MAP4K3: variants seen among roughly 807,000 people sequenced by gnomAD.
MAP4K3 encodes the protein mitogen-activated protein kinase kinase kinase kinase 3.
A neutral mutation model predicts 143.5 loss-of-function variants in MAP4K3; 94 were observed. The observed-to-expected ratio is 0.65, with a 90% CI of 0.55 to 0.78. The LOEUF (loss-of-function observed/expected upper bound fraction) is 0.78. Among genes scored for constraint, MAP4K3 ranks in the 30% least tolerant of loss-of-function variants. The pLI is 0.00. For synonymous variants in MAP4K3, 416 were observed against 347.2 expected, an observed-to-expected ratio of 1.20 and a Z score of -2.20; for missense variants, 1,077 against 1,068.1, an observed-to-expected ratio of 1.01 and a Z score of -0.12.
chr2:39,408,579 T>A (rs1201109804), intron 1 of MAP4K3, among the ~76,000 whole-genome samples: 1 of 149,070 alleles, frequency 6.7e-6, no homozygotes, highest in East Asian at 2.0e-4. Flanking sequence ...ATGTTGCACA[T>A]GACTTCACAG....
intron 2 of MAP4K3, among the ~76,000 whole-genome samples, chr2:39,357,521 C>CA (rs1404932600): frequency 4.6e-5 from 7 of 152,156 alleles, no homozygotes; most frequent in Non-Finnish European, 1.5e-5. Context: ...AACCCAATAT[C>CA]AAAATCCACC....
chr2:39,320,327 A>T (rs999141321), intron 12 of MAP4K3, among the ~76,000 whole-genome samples: 2 of 152,220 alleles, frequency 1.3e-5, no homozygotes, highest in Admixed American at 1.3e-4. Flanking sequence ...GCAATGAAAT[A>T]ATGCTAAAGG....
intron 2 of MAP4K3, among the ~76,000 whole-genome samples, chr2:39,366,438 GCGTCTCTTCAGACGT>G (rs1312709681): frequency 6.6e-6 from 1 of 152,190 alleles, no homozygotes; most frequent in Non-Finnish European, 1.5e-5. Flanking sequence ...CAGGTAGTAG[GCGTCTCTTCAGACGT>G]AAATGTTTCA....
chr2:39,279,596 T>G (rs1426730221), intron 23 of MAP4K3, among the ~76,000 whole-genome samples: 1 of 152,198 alleles, frequency 6.6e-6, no homozygotes, highest in Non-Finnish European at 1.5e-5. Context: ...AGAGATCCTC[T>G]AAAGTGGTCA....
At chr2:39,413,591 A>G (rs1667289057) in intron 1 of MAP4K3, among the ~76,000 whole-genome samples, 1 of 152,194 alleles carries the variant, frequency 6.6e-6, no homozygotes, top group Non-Finnish European at 1.5e-5. Context: ...CTGTACATGC[A>G]AAGTAAAAAG....
chr2:39,412,206 C>A (rs760502251), intron 1 of MAP4K3, among the ~76,000 whole-genome samples: 13 of 152,192 alleles, frequency 8.5e-5, no homozygotes, highest in Non-Finnish European at 1.8e-4. Flanking sequence ...TAACAGCTAG[C>A]GCGGGTCAGG....
chr2:39,287,876 C>G lies in MAP4K3; in HGVS notation c.1474+245G>C, dbSNP rs530202779. Among the ~76,000 whole-genome samples, 141 of 152,204 alleles carry G rather than the reference C, an allele frequency of 9.3e-4. 1 individual carries two copies. The highest frequency in any genetic ancestry group is 3.0e-3 in the African/African-American group (126 of 41,536). ...AGCTAAATGAATGGGGAACCAGTCT[C>G]TAGAAGAGAGAAGGCTAAATATGAA... On this transcript the variant is annotated intron_variant, in intron 20 of 33. Transcript: ENST00000263881.
At chr2:39,272,236 G>A (rs1681055343) in intron 26 of MAP4K3, 47 bp downstream of exon 26, 3 of 1,339,404 alleles carry the variant, frequency 2.2e-6, no homozygotes, top group Non-Finnish European at 3.2e-6. Flanking sequence ...AAATATTTAT[G>A]AGAATGAACT....
chr2:39,339,881 T>C, intron 4 of MAP4K3, among the ~76,000 whole-genome samples: 1 of 151,998 alleles, frequency 6.6e-6, no homozygotes, highest in South Asian at 2.1e-4. Context: ...GAATTCCCAC[T>C]GAAAAACCTC....
intron 3 of MAP4K3, among the ~76,000 whole-genome samples, chr2:39,345,220 C>T (rs1030845373): frequency 2.1e-5 from 3 of 142,938 alleles, no homozygotes; most frequent in African/African-American, 7.8e-5. Flanking sequence ...AAAAAACAAA[C>T]AAAAAAAGTT....
chr2:39,321,650 C>A (rs1473031422), intron 12 of MAP4K3, among the ~76,000 whole-genome samples: 1 of 152,162 alleles, frequency 6.6e-6, no homozygotes, highest in African/African-American at 2.4e-5. Flanking sequence ...AAGAGGAAGG[C>A]ATCTGTCTCC....
intron 31 of MAP4K3, among the ~76,000 whole-genome samples, chr2:39,255,032 C>T (rs1374656047): frequency 6.6e-6 from 1 of 152,146 alleles, no homozygotes; most frequent in African/African-American, 2.4e-5. Context: ...ATGTACCCTG[C>T]CCTATTCCCA....
chr2:39,396,812 T>A (rs1666821676), intron 1 of MAP4K3, among the ~76,000 whole-genome samples: 1 of 152,192 alleles, frequency 6.6e-6, no homozygotes, highest in Non-Finnish European at 1.5e-5. Flanking sequence ...TAAAACCATT[T>A]TAGCAAAAAT....
intron 19 of MAP4K3, among the ~76,000 whole-genome samples, chr2:39,289,557 G>C (rs1369318674): frequency 6.6e-6 from 1 of 151,860 alleles, no homozygotes; most frequent in Non-Finnish European, 1.5e-5. Flanking sequence ...TTGTTAAAAA[G>C]CATTTAAAAA....
intron 1 of MAP4K3, among the ~76,000 whole-genome samples, chr2:39,399,044 TAAAAAAA>T (rs57189056): frequency 5.8e-4 from 68 of 116,424 alleles, no homozygotes; most frequent in Non-Finnish European, 1.1e-3. Flanking sequence ...TCTGTCTCGT[TAAAAAAA>T]AAAAAAAAAA....
intron 16 of MAP4K3, among the ~76,000 whole-genome samples, chr2:39,296,934 G>C (rs1682305531): frequency 2.6e-5 from 4 of 152,056 alleles, no homozygotes; most frequent in Admixed American, 2.6e-4. Context: ...CAATAATAGA[G>C]GTAAATTTCT....
rs980061918 is a variant in MAP4K3, at chr2:39,337,497, T to C, written c.366+29A>G. 3.8e-6 allele frequency: 6 copies of C among 1,567,544 alleles called. No individual in the cohort carries two copies. In the East Asian group the frequency reaches 1.1e-4, roughly 29 times the overall value. ...AGTAAAGCCTTAGTTTAATGAAAAA[T>C]GTTATTTTTGAATTAGCACTTGATT... On this transcript the variant is annotated intron_variant, in intron 5 of 33. Coordinates refer to ENST00000263881, the MANE Select transcript of MAP4K3 (RefSeq NM_003618.4).
intron 1 of MAP4K3, among the ~76,000 whole-genome samples, chr2:39,423,148 T>C (rs1005896298): frequency 7.2e-5 from 11 of 152,174 alleles, no homozygotes; most frequent in African/African-American, 1.9e-4. Flanking sequence ...TATATACAGA[T>C]AGCAAATATG....
At chr2:39,309,365 T>G in intron 14 of MAP4K3, 96 bp downstream of exon 14, 1 of 869,484 alleles carries the variant, frequency 1.2e-6, no homozygotes, top group Non-Finnish European at 1.8e-6. Flanking sequence ...TTGAAAATAT[T>G]AATGACTAGC....
Sources: gnomAD v4.1 joint callset for allele counts (sites outside exome capture counted in the v4.1 genomes callset) on GRCh38, gnomAD v4.1.1 for gene constraint, MANE v1.5 for transcripts, NCBI Gene and HGNC (gene_info 2026-07-23, HGNC 2026-07-21) for gene names.